The following ADAMTS5 variants were observed in gnomAD, a reference collection of about 807,000 sequenced individuals.
ADAMTS5 encodes A disintegrin and metalloproteinase with thrombospondin motifs 5.
In ADAMTS5, 54 loss-of-function variants were observed where a neutral mutation model predicts 81.4. The ratio of observed to expected loss-of-function variants is 0.66; its 90% CI spans 0.53 to 0.83. The LOEUF (loss-of-function observed/expected upper bound fraction) is 0.83. Among genes scored for constraint, ADAMTS5 ranks in the 40% least tolerant of loss-of-function variants. The pLI is 0.00. For synonymous variants in ADAMTS5, 532 were observed against 508.8 expected, an observed-to-expected ratio of 1.05 and a Z score of -0.61; for missense variants, 1,194 against 1,229.9, an observed-to-expected ratio of 0.97 and a Z score of 0.44.
At position 26,966,219 on chromosome 21, in the gene ADAMTS5, G is replaced by A; in HGVS notation, c.173C>T (p.Pro58Leu). 1 of 1,599,242 alleles carries A rather than the reference G, an allele frequency of 6.3e-7. No homozygotes were observed. Among genetic ancestry groups the A allele is most frequent in the Non-Finnish European group, 8.5e-7 (1 of 1,173,912 alleles). ...GEEVQERAEP[P>L]GHPHPLAQRR... is the part of the protein sequence containing the mutation. ...CTGCGCCAGGGGGTGCGGGTGGCCG[G>A]GAGGCTCGGCTCGCTCCTGCACCTC... The change falls in exon 1 of 8, where the codon CCC becomes CTC. Residue 58 changes from proline (P) to leucine (L), a missense_variant. Physicochemically the swap from Pro to Leu is moderately conservative, Grantham distance 98 (BLOSUM62 -3). Around this residue, in one of 2 missense-constraint regions of ADAMTS5, gnomAD observed 498 missense variants for 412.3 expected, o/e 1.21. Coordinates refer to ENST00000284987, the MANE Select transcript of ADAMTS5 (RefSeq NM_007038.5).
Position 26,923,767 on chromosome 21 carries a change from G to T in ADAMTS5, c.*286C>A. The stretch of plus-strand genomic sequence containing the variant: ...TAGGTGACAAGGGGGAGACAGTTCT[G>T]CCATCTTCAAATGTCCCCTGATTTT... On this transcript the variant is annotated 3_prime_UTR_variant, in exon 8 of 8. Transcript: ENST00000284987. The T allele has an allele frequency of 3.0e-6, 1 of 334,796 alleles. No homozygotes were observed. The highest frequency in any genetic ancestry group is 5.5e-6 in the Non-Finnish European group (1 of 180,800). 20.7% of individuals were successfully genotyped at this position (334,796 alleles called of 1,614,324 possible).
chr21:26,921,399 G>A lies in ADAMTS5; in HGVS notation c.*2654C>T, dbSNP rs1250464571. 2.7e-5 allele frequency: 4 copies of A among 148,458 alleles called. No individual in the cohort carries two copies. The highest frequency in any genetic ancestry group is 4.5e-5 in the Non-Finnish European group (3 of 67,230). The allele number at this position is 148,458 out of a possible 1,614,324, so 9.2% of individuals were successfully genotyped here. ...AACTTATTATGGAGTGCTTAGTTAT[G>A]TAAGTGAGATTAGATTCTTACAAAC... On this transcript the variant is annotated 3_prime_UTR_variant, in exon 8 of 8. Transcript: ENST00000284987.
intron 1 of ADAMTS5, among the ~76,000 whole-genome samples, chr21:26,959,744 G>T (rs11702696): frequency 6.6e-6 from 1 of 152,068 alleles, no homozygotes; most frequent in East Asian, 1.9e-4. Context: ...TCATTAACTC[G>T]CCTCCTTCTC....
At position 26,965,837 on chromosome 21, in the gene ADAMTS5, C is replaced by T. The variant is rs528184521; in HGVS notation, c.555G>A (p.Gly185=). Residue 185 remains glycine, a synonymous_variant, in exon 1 of 8, where the codon GGG becomes GGA. Transcript: ENST00000284987. ...TGTAGACGTGCAGGATCCGTGCGGACCCATCCCCGTACACGCGCCCCTTTT... is the reference window on the plus strand; with the variant it reads ...TGTAGACGTGCAGGATCCGTGCGGATCCATCCCCGTACACGCGCCCCTTTT... The part of the protein sequence containing the change: ...EEEKGRVYGD[G]SARILHVYTR... 2.5e-6 allele frequency: 4 copies of T among 1,611,850 alleles called. No homozygotes were observed. In the African/African-American group the frequency reaches 4.0e-5, roughly 16 times the overall value.
rs139188768 is a variant in ADAMTS5 at position 26,940,909 on chromosome 21, T to G, written c.1405+2471A>C. Among the ~76,000 whole-genome samples the G allele has an allele frequency of 1.9e-3, 294 of 152,220 alleles. 1 individual carries two copies. Among genetic ancestry groups the G allele is most frequent in the African/African-American group, 6.7e-3 (279 of 41,554 alleles). On this transcript the variant is annotated intron_variant, in intron 3 of 7. Coordinates refer to ENST00000284987, the MANE Select transcript of ADAMTS5 (RefSeq NM_007038.5). Reference sequence around the variant, plus strand: ...CACTTACATTGACTTAAGTGAGCTTTTTGGTTACAATTTAAAAGTTATTAA... The same window carrying G: ...CACTTACATTGACTTAAGTGAGCTTGTTGGTTACAATTTAAAAGTTATTAA...
chr21:26,966,026 C>T lies in ADAMTS5; in HGVS notation c.366G>A (p.Ala122=), dbSNP rs375872938. 3 of 1,612,852 alleles carry T rather than the reference C, an allele frequency of 1.9e-6. No individual in the cohort carries two copies. Among genetic ancestry groups the T allele is most frequent in the Non-Finnish European group, 1.7e-6 (2 of 1,179,862 alleles). Residue 122 remains alanine, a synonymous_variant, in exon 1 of 8, where the codon GCG becomes GCA. Coordinates refer to ENST00000284987, the MANE Select transcript of ADAMTS5 (RefSeq NM_007038.5). ...GFVPAGGGTS[A]PWRHRSHCFY... is the part of the protein sequence containing the mutation. ...AGCAGTGGCTCCGGTGGCGCCAGGG[C>T]GCACTCGTCCCGCCTCCTGCGGGCA...
At chr21:26,954,678 T>C in intron 2 of ADAMTS5, 61 bp downstream of exon 2, 3 of 1,589,782 alleles carry the variant, frequency 1.9e-6, no homozygotes, top group Non-Finnish European at 2.6e-6. Flanking sequence ...AGTATTTTGG[T>C]TCCTGTTGCA....
intron 3 of ADAMTS5, among the ~76,000 whole-genome samples, chr21:26,940,842 T>C (rs192604971): frequency 7.4e-4 from 112 of 152,296 alleles, no homozygotes; most frequent in African/African-American, 2.6e-3. Flanking sequence ...AGCACCTCAA[T>C]CATCTCTAAA....
rs527596755 is a variant in ADAMTS5, at chr21:26,954,914, C to A, written c.1105-43G>T. On this transcript the variant is annotated intron_variant, in intron 1 of 7. Coordinates refer to ENST00000284987, the MANE Select transcript of ADAMTS5 (RefSeq NM_007038.5). ...AGAAATCATTAAAATCAATTTACATCCAGAAGGAGCCGCCACATAGAGCCA... is the reference window on the plus strand; with the variant it reads ...AGAAATCATTAAAATCAATTTACATACAGAAGGAGCCGCCACATAGAGCCA... The A allele has an allele frequency of 1.4e-4, 219 of 1,604,406 alleles. 1 individual carries two copies. In the South Asian group the frequency reaches 1.5e-3, roughly 11 times the overall value.
At position 26,918,971 on chromosome 21, in the gene ADAMTS5, C is replaced by G. The variant is rs554640556; in HGVS notation, c.*5082G>C. ...ATGCACATGCAGTTTACGTCACTGA[C>G]CACTGTTGGTCAAAACAATCATTGG... On this transcript the variant is annotated 3_prime_UTR_variant, in exon 8 of 8. Coordinates refer to ENST00000284987, the MANE Select transcript of ADAMTS5 (RefSeq NM_007038.5). The G allele has an allele frequency of 6.6e-6, 1 of 151,932 alleles. No individual in the cohort carries two copies. The highest frequency in any genetic ancestry group is 1.5e-5 in the Non-Finnish European group (1 of 67,904). 9.4% of individuals were successfully genotyped at this position (151,932 alleles called of 1,614,324 possible).
chr21:26,966,557 G>C lies in ADAMTS5; in HGVS notation c.-166C>G, dbSNP rs1000440459. 3 of 559,584 alleles carry C rather than the reference G, an allele frequency of 5.4e-6. No homozygotes were observed. The highest frequency in any genetic ancestry group is 8.2e-6 in the Non-Finnish European group (3 of 367,478). The allele number at this position is 559,584 out of a possible 1,614,324, so 34.7% of individuals were successfully genotyped here. ...CCGGCAGCAGCGCCAGCCTGTCCGG[G>C]CTGCGGTGCCAGCGTGCGAACTTTT... On this transcript the variant is annotated 5_prime_UTR_variant, in exon 1 of 8. Transcript: ENST00000284987.
intron 2 of ADAMTS5, among the ~76,000 whole-genome samples, chr21:26,949,198 T>TA (rs1987273066): frequency 1.5e-5 from 2 of 137,518 alleles, no homozygotes; most frequent in South Asian, 2.3e-4. Context: ...TATATATATA[T>TA]GGAGAGAGAG....
At chr21:26,949,946 C>T (rs1050221249) in intron 2 of ADAMTS5, among the ~76,000 whole-genome samples, 12 of 152,136 alleles carry the variant, frequency 7.9e-5, no homozygotes, top group Admixed American at 2.0e-4. Context: ...AAAATATGGC[C>T]GTGTTTAATC....
intron 3 of ADAMTS5, among the ~76,000 whole-genome samples, chr21:26,938,678 C>T (rs544501523): frequency 5.9e-5 from 9 of 152,230 alleles, no homozygotes; most frequent in African/African-American, 1.9e-4. Flanking sequence ...TACAGGCATG[C>T]GCCAACATGC....
In ADAMTS5 at chr21:26,930,012, C is replaced by T. The variant is rs1474009408; in HGVS notation, c.2099G>A (p.Arg700Gln). The change falls in exon 7 of 8, where the codon CGG (arginine) becomes CAG (glutamine). Residue 700 changes from arginine (R) to glutamine (Q), a missense_variant. Coordinates refer to ENST00000284987, the MANE Select transcript of ADAMTS5 (RefSeq NM_007038.5). ...ACAGCCAGTTCTCACACACTTCCCC[C>T]GGACGCAGACGGAATTACTGTACAG... ...CRLYSNSVCV[R>Q]GKCVRTGCDG... 45 of 1,613,868 alleles carry T rather than the reference C, an allele frequency of 2.8e-5. No homozygotes were observed. Among genetic ancestry groups the T allele is most frequent in the East Asian group, 1.8e-4 (8 of 44,884 alleles).
intron 3 of ADAMTS5, among the ~76,000 whole-genome samples, chr21:26,938,995 C>T (rs1402688108): frequency 2.6e-5 from 4 of 152,148 alleles, no homozygotes; most frequent in African/African-American, 4.8e-5. Flanking sequence ...CAAACTCATC[C>T]GAAGAAGCCT....
chr21:26,930,323 C>G (rs1041842612), intron 6 of ADAMTS5, among the ~76,000 whole-genome samples: 2 of 152,158 alleles, frequency 1.3e-5, no homozygotes, highest in Non-Finnish European at 2.9e-5. Flanking sequence ...TTAAGAGACA[C>G]AAGGTACTCA....
In ADAMTS5 at chr21:26,943,488, T is replaced by C. The variant is rs1734636720; in HGVS notation, c.1297A>G (p.Thr433Ala). The C allele has an allele frequency of 6.2e-7, 1 of 1,613,640 alleles. No homozygotes were observed. The highest frequency in any genetic ancestry group is 1.7e-5 in the Admixed American group (1 of 59,956). ...SKFCEETFGS[T>A]EDKRLMSSIL... is the part of the protein sequence containing the mutation. ...GAAGACATTAAGCGCTTATCTTCTG[T>C]GGAACCAAAGGTCTCTTCACAGAAT... The change falls in exon 3 of 8, where the codon ACA (threonine) becomes GCA (alanine). Residue 433 changes from threonine to alanine, a missense_variant. Physicochemically the swap from Thr to Ala is moderately conservative, Grantham distance 58. Around this residue, in one of 2 missense-constraint regions of ADAMTS5, gnomAD observed 696 missense variants for 817.6 expected, o/e 0.85. Coordinates refer to ENST00000284987, the MANE Select transcript of ADAMTS5 (RefSeq NM_007038.5).
intron 1 of ADAMTS5, 24 bp downstream of exon 1, chr21:26,965,263 AC>A: frequency 6.3e-7 from 1 of 1,588,950 alleles, no homozygotes; most frequent in South Asian, 1.1e-5. Flanking sequence ...CAGCGCTGGG[AC>A]CCCCGCATCC....
Sources: allele counts gnomAD v4.1 joint callset (sites outside exome capture counted in the v4.1 genomes callset), GRCh38; gene constraint gnomAD v4.1.1; regional missense constraint gnomAD v4.1.1; transcripts MANE v1.5; gene names NCBI Gene and HGNC (gene_info 2026-07-23, HGNC 2026-07-21).